IRAK1BP1: variants seen among roughly 807,000 people sequenced by gnomAD.
IRAK1BP1 encodes the protein interleukin 1 receptor associated kinase 1 binding protein 1.
Under a neutral mutation model 28.0 loss-of-function variants are expected in IRAK1BP1, and 24 were observed. That is an observed-to-expected ratio of 0.86 (90% CI 0.62 to 1.20). The LOEUF is 1.20. IRAK1BP1 is among the 50% of genes most tolerant of loss of function. IRAK1BP1 has a pLI of 0.00. For missense variants in IRAK1BP1, 336 were observed against 316.7 expected (o/e 1.06, Z -0.46); for synonymous variants, 131 against 116.3 (o/e 1.13, Z -0.81).
rs1772038494 is a variant in IRAK1BP1 at position 78,900,016 on chromosome 6, G to C, written c.*1682G>C. On this transcript the variant is annotated 3_prime_UTR_variant, in exon 4 of 4. Coordinates refer to ENST00000369940, the MANE Select transcript of IRAK1BP1 (RefSeq NM_001010844.4). ...GAAAAAAAGAGATTCACATACCCAG[G>C]TTGTTCTAGCATGCCTAAAAAATCT... The C allele has an allele frequency of 6.6e-6, 1 of 151,926 alleles. No homozygotes were observed. Among genetic ancestry groups the C allele is most frequent in the Non-Finnish European group, 1.5e-5 (1 of 67,996 alleles). 9.4% of individuals were successfully genotyped at this position (151,926 alleles called of 1,614,324 possible).
chr6:78,895,446 A>G (rs1031937241), intron 2 of IRAK1BP1, among the ~76,000 whole-genome samples: 5 of 152,186 alleles, frequency 3.3e-5, no homozygotes, highest in African/African-American at 1.2e-4. Flanking sequence ...ATGTGCAAAA[A>G]TTATAAACTA....
rs1772158876 is a variant in IRAK1BP1, at chr6:78,903,023, C to T, written c.*4689C>T. The T allele has an allele frequency of 1.3e-6, 2 of 1,524,896 alleles. No individual in the cohort carries two copies. The highest frequency in any genetic ancestry group is 1.8e-6 in the Non-Finnish European group (2 of 1,140,050). The allele number at this position is 1,524,896 out of a possible 1,614,324, so 94.5% of individuals were successfully genotyped here. A position where few individuals can be genotyped will look rare whatever the true frequency, so the allele number is the denominator to read the frequency against. On this transcript the variant is annotated 3_prime_UTR_variant, in exon 4 of 4. Transcript: ENST00000369940. ...CTGGAATCCTTCTTCAACATCCCAA[C>T]CAACAATTACTCCCAGATAGCCATG...
intron 2 of IRAK1BP1, among the ~76,000 whole-genome samples, chr6:78,896,935 T>G (rs1370337560): frequency 6.6e-6 from 1 of 152,078 alleles, no homozygotes; most frequent in Non-Finnish European, 1.5e-5. Flanking sequence ...CTGTATTTTG[T>G]TTTGCATATT....
At chr6:78,938,803 G>T (rs1392456556) in intron 4 of IRAK1BP1, 1 of 151,628 alleles carries the variant, frequency 6.6e-6, no homozygotes, top group East Asian at 1.9e-4. Flanking sequence ...TTTCACAGGA[G>T]AATTTCTGTA....
intron 2 of IRAK1BP1, among the ~76,000 whole-genome samples, chr6:78,887,627 C>T (rs1471516437): frequency 6.6e-6 from 1 of 152,092 alleles, no homozygotes; most frequent in Non-Finnish European, 1.5e-5. Flanking sequence ...GATTGTGCCA[C>T]TGCACTCCAG....
At chr6:78,869,912 C>T (rs1770732793) in intron 1 of IRAK1BP1, among the ~76,000 whole-genome samples, 1 of 151,854 alleles carries the variant, frequency 6.6e-6, no homozygotes, top group African/African-American at 2.4e-5. Context: ...AGTTCAAGAC[C>T]AGCCTGACCA....
chr6:78,933,227 AG>A (rs370159997), intron 4 of IRAK1BP1, among the ~76,000 whole-genome samples: 18 of 152,340 alleles, frequency 1.2e-4, no homozygotes, highest in African/African-American at 4.3e-4. Context: ...AAATTTGTAT[AG>A]ATTTTCATCA....
At chr6:78,917,886 T>A (rs1426833294) in intron 4 of IRAK1BP1, among the ~76,000 whole-genome samples, 1 of 152,222 alleles carries the variant, frequency 6.6e-6, no homozygotes, top group Non-Finnish European at 1.5e-5. Context: ...GGGAATTTGT[T>A]ACCACTAGGT....
intron 1 of IRAK1BP1, chr6:78,872,252 C>T (rs1581987820): frequency 1.8e-6 from 1 of 563,512 alleles, no homozygotes; most frequent in South Asian, 2.4e-5. Context: ...ATCTGTCTTG[C>T]ATCCCACTCT....
At chr6:78,956,665 C>T in the IRAK1BP1 span, 2 of 152,224 alleles carry the variant, frequency 1.3e-5, no homozygotes, top group South Asian at 2.1e-4. Flanking sequence ...AAACTTCCTA[C>T]CTCACGCTGC....
At chr6:78,956,053 A>G in the IRAK1BP1 span, 1 of 154,642 alleles carries the variant, frequency 6.5e-6, no homozygotes, top group Non-Finnish European at 1.4e-5. Context: ...GCATCTTGAC[A>G]CTGTACCTTT....
chr6:78,896,723 G>A (rs1771896780), intron 2 of IRAK1BP1, among the ~76,000 whole-genome samples: 1 of 151,836 alleles, frequency 6.6e-6, no homozygotes, highest in African/African-American at 2.4e-5. Flanking sequence ...TACTCGGGGG[G>A]CTGAGGCAGG....
exon 5 of IRAK1BP1, chr6:78,945,547 A>C (rs369188165): frequency 2.6e-6 from 3 of 1,155,858 alleles, no homozygotes; most frequent in Non-Finnish European, 3.8e-6. Context: ...GAACCTAAAG[A>C]TAAGAAAAAA....
chr6:78,927,387 G>A lies in IRAK1BP1; in HGVS notation c.*68-18021G>A, dbSNP rs574051169. Among the ~76,000 whole-genome samples the A allele has an allele frequency of 2.2e-3, 337 of 152,014 alleles. 2 individuals are homozygous for A. Among genetic ancestry groups the A allele is most frequent in the African/African-American group, 6.4e-3 (267 of 41,484 alleles). ...CAAATCTTTTGCCCATTTTTAAATC[G>A]GATTATTGGATGTTTTTCCTATAAA... On this transcript the variant is annotated intron_variant and NMD_transcript_variant, in intron 4 of 4. Coordinates refer to the IRAK1BP1 transcript ENST00000606868.
the IRAK1BP1 span, chr6:78,978,475 C>T: frequency 1.5e-6 from 1 of 669,204 alleles, no homozygotes; most frequent in African/African-American, 1.8e-5. Context: ...ATACAAATAT[C>T]TAGAATGAGA....
At chr6:78,908,961 TTGA>T (rs776791857) in intron 4 of IRAK1BP1, among the ~76,000 whole-genome samples, 2 of 152,212 alleles carry the variant, frequency 1.3e-5, no homozygotes, top group African/African-American at 2.4e-5. Flanking sequence ...TACAGCATCC[TTGA>T]TGATTTGTCA....
intron 4 of IRAK1BP1, among the ~76,000 whole-genome samples, chr6:78,932,732 T>A (rs1773094097): frequency 6.6e-6 from 1 of 152,138 alleles, no homozygotes; most frequent in Non-Finnish European, 1.5e-5. Context: ...AACATGTATT[T>A]CTTAAATAAC....
chr6:78,954,120 G>A, the IRAK1BP1 span, among the ~76,000 whole-genome samples: 6 of 152,052 alleles, frequency 3.9e-5, no homozygotes, highest in Admixed American at 6.5e-5. Context: ...TTGCTTTTGA[G>A]ACTCAGTCTC....
chr6:78,961,604 A>C, the IRAK1BP1 span: 8 of 1,371,556 alleles, frequency 5.8e-6, no homozygotes, highest in South Asian at 9.8e-5. Context: ...ATATACAAAA[A>C]GTTGAGAAAC....
Sources: gnomAD v4.1 joint callset for allele counts (sites outside exome capture counted in the v4.1 genomes callset) on GRCh38, gnomAD v4.1.1 for gene constraint, MANE v1.5 for transcripts, NCBI Gene and HGNC (gene_info 2026-07-23, HGNC 2026-07-21) for gene names.